The following IQCK variants were observed in gnomAD, a reference collection of about 807,000 sequenced individuals.
IQCK encodes the protein IQ domain-containing protein K.
IQCK carries 29 observed loss-of-function variants against 28.1 expected under a neutral mutation model. The ratio of observed to expected loss-of-function variants is 1.03; its 90% CI spans 0.77 to 1.41. The LOEUF (loss-of-function observed/expected upper bound fraction) is 1.41, where lower values mean the gene tolerates loss of function less well. Among genes scored for constraint, IQCK ranks in the 40% most tolerant of loss-of-function variants. The pLI, the probability that IQCK is intolerant of heterozygous loss-of-function variation, is 0.00. For missense variants in IQCK, 359 were observed against 314.7 expected (o/e 1.14, Z -1.07); for synonymous variants, 113 against 115.1 (o/e 0.98, Z 0.12).
chr16:19,775,834 G>A (rs1185843798), intron 6 of IQCK, among the ~76,000 whole-genome samples: 1 of 123,994 alleles, frequency 8.1e-6, no homozygotes, highest in African/African-American at 3.4e-5. Flanking sequence ...GTGGATATTG[G>A]TGAACACTAG....
chr16:19,799,636 A>C (rs1028385888), intron 7 of IQCK, among the ~76,000 whole-genome samples: 1 of 136,922 alleles, frequency 7.3e-6, no homozygotes, highest in South Asian at 2.1e-4. Context: ...ACACACACAC[A>C]CACACCCAGT....
chr16:19,766,002 G>A (rs2055230866), intron 6 of IQCK: 1 of 152,180 alleles, frequency 6.6e-6, no homozygotes, highest in South Asian at 2.1e-4. Context: ...TCCACAGGAA[G>A]CTCATGTAAA....
In IQCK at chr16:19,733,762, A is replaced by G. The variant is rs766532085; in HGVS notation, c.311A>G (p.His104Arg). ...GCAGAGCACTATTTTCCGGTTTCCCATTTCACCATGATCTCACGTACACCC... is the reference window on the plus strand; with the variant it reads ...GCAGAGCACTATTTTCCGGTTTCCCGTTTCACCATGATCTCACGTACACCC... The change falls in exon 3 of 8, where the codon CAT becomes CGT. Residue 104 changes from histidine to arginine, a missense_variant. Transcript: ENST00000564186. 3.1e-6 allele frequency: 5 copies of G among 1,614,124 alleles called. No individual in the cohort carries two copies. The Admixed American group carries it at 5.0e-5, about 16-fold the overall frequency.
intron 4 of IQCK, among the ~76,000 whole-genome samples, chr16:19,739,826 G>C (rs1879915714): frequency 6.6e-6 from 1 of 151,734 alleles, no homozygotes; most frequent in Admixed American, 6.6e-5. Flanking sequence ...AAAAAAAAAA[G>C]AGGAGCCCTC....
At chr16:19,731,701 G>C (rs761739002) in intron 2 of IQCK, among the ~76,000 whole-genome samples, 9 of 152,294 alleles carry the variant, frequency 5.9e-5, no homozygotes, top group Non-Finnish European at 1.2e-4. Flanking sequence ...GGGTTCTCCA[G>C]AGAGACAGAA....
At chr16:19,776,692 G>C (rs571478038) in intron 6 of IQCK, among the ~76,000 whole-genome samples, 2 of 152,286 alleles carry the variant, frequency 1.3e-5, no homozygotes, top group South Asian at 2.1e-4. Context: ...CTGGGTGATA[G>C]AGCGAGCCTC....
chr16:19,747,839 C>G (rs1033147789), intron 4 of IQCK, among the ~76,000 whole-genome samples: 5 of 152,074 alleles, frequency 3.3e-5, no homozygotes, highest in African/African-American at 1.2e-4. Context: ...TTTATAGATT[C>G]CAATTCTTGA....
intron 9 of IQCK, among the ~76,000 whole-genome samples, chr16:19,842,816 A>G (rs1488810909): frequency 3.3e-5 from 5 of 152,136 alleles, no homozygotes; most frequent in East Asian, 1.9e-4. Flanking sequence ...AATTATCTCA[A>G]ATCTTTTAAG....
intron 6 of IQCK, among the ~76,000 whole-genome samples, chr16:19,781,067 C>T (rs1257410076): frequency 6.6e-6 from 1 of 152,132 alleles, no homozygotes; most frequent in Non-Finnish European, 1.5e-5. Flanking sequence ...GTGGTCTGCT[C>T]TTCTGAACAT....
intron 7 of IQCK, among the ~76,000 whole-genome samples, chr16:19,803,696 A>G (rs977808790): frequency 5.3e-5 from 8 of 152,166 alleles, no homozygotes; most frequent in African/African-American, 1.9e-4. Context: ...TTTGCTGTAC[A>G]GGCTGAAGTG....
At chr16:19,856,089 T>TA (rs1349313095) in intron 9 of IQCK, among the ~76,000 whole-genome samples, 2 of 152,044 alleles carry the variant, frequency 1.3e-5, no homozygotes, top group Admixed American at 1.3e-4. Flanking sequence ...TTGCCCCCAG[T>TA]GATACCCTGA....
At chr16:19,751,876 G>A (rs2054991575) in intron 4 of IQCK, among the ~76,000 whole-genome samples, 1 of 152,114 alleles carries the variant, frequency 6.6e-6, no homozygotes, top group African/African-American at 2.4e-5. Flanking sequence ...TGACCTTTCT[G>A]ATCTTCCGAT....
At chr16:19,855,617 A>C (rs2056549885) in intron 9 of IQCK, among the ~76,000 whole-genome samples, 3 of 152,182 alleles carry the variant, frequency 2.0e-5, no homozygotes, top group Non-Finnish European at 4.4e-5. Flanking sequence ...GGGATGGTGT[A>C]CATACCCACC....
chr16:19,846,118 T>C (rs2056413150), intron 9 of IQCK, among the ~76,000 whole-genome samples: 1 of 152,240 alleles, frequency 6.6e-6, no homozygotes, highest in Non-Finnish European at 1.5e-5. Flanking sequence ...TTATGTGCCA[T>C]ACAATATGTA....
intron 9 of IQCK, among the ~76,000 whole-genome samples, chr16:19,835,883 C>T (rs1299513662): frequency 1.3e-5 from 2 of 152,124 alleles, no homozygotes; most frequent in African/African-American, 4.8e-5. Context: ...TCATGCCCAG[C>T]CTTGTAGAAG....
intron 1 of IQCK, among the ~76,000 whole-genome samples, chr16:19,718,768 G>T (rs546277856): frequency 2.6e-5 from 4 of 152,362 alleles, no homozygotes; most frequent in Admixed American, 2.6e-4. Flanking sequence ...GTGGACCATT[G>T]GTTCTTAAAC....
intron 9 of IQCK, among the ~76,000 whole-genome samples, chr16:19,846,230 A>C (rs2056414273): frequency 6.6e-6 from 1 of 152,200 alleles, no homozygotes; most frequent in African/African-American, 2.4e-5. Context: ...AGACTTGTTC[A>C]GGCCACCCAG....
chr16:19,817,512 T>C (rs190086986), intron 7 of IQCK, among the ~76,000 whole-genome samples: 1 of 152,178 alleles, frequency 6.6e-6, no homozygotes, highest in Non-Finnish European at 1.5e-5. Context: ...AAGGAAAAGA[T>C]GAAAGGGTCT....
intron 4 of IQCK, among the ~76,000 whole-genome samples, chr16:19,742,797 C>T (rs1293304643): frequency 1.3e-5 from 2 of 152,162 alleles, no homozygotes; most frequent in East Asian, 1.9e-4. Context: ...CTTTCTATGA[C>T]ATGGCCCCCA....
Sources: allele counts gnomAD v4.1 joint callset (sites outside exome capture counted in the v4.1 genomes callset), GRCh38; gene constraint gnomAD v4.1.1; transcripts MANE v1.5; gene names NCBI Gene and HGNC (gene_info 2026-07-23, HGNC 2026-07-21).